Variants in LMX1A observed in about 807,000 individuals in gnomAD.
LMX1A encodes the protein LIM homeobox transcription factor 1 alpha, also known as LIM homeobox transcription factor 1-alpha.
Under a neutral mutation model 49.1 loss-of-function variants are expected in LMX1A, and 15 were observed. That is an observed-to-expected ratio of 0.31 (90% CI 0.20 to 0.47). The LOEUF (loss-of-function observed/expected upper bound fraction) is 0.47. Ranked by LOEUF, LMX1A falls within the 20% of genes least tolerant of loss-of-function variation. LMX1A has a pLI of 1.00. For synonymous variants in LMX1A, 167 were observed against 185.7 expected (o/e 0.90, Z 0.82); for missense variants, 372 against 475.8 (o/e 0.78, Z 2.03).
intron 3 of LMX1A, among the ~76,000 whole-genome samples, chr1:165,280,672 T>G (rs1043517552): frequency 2.6e-5 from 4 of 152,206 alleles, no homozygotes; most frequent in African/African-American, 7.2e-5. Flanking sequence ...CTAGTAGGCA[T>G]GCATTTGTGG....
At chr1:165,260,752 G>C (rs762544545) in intron 3 of LMX1A, among the ~76,000 whole-genome samples, 1 of 152,114 alleles carries the variant, frequency 6.6e-6, no homozygotes, top group Non-Finnish European at 1.5e-5. Flanking sequence ...CAGTCTTGTA[G>C]GGGAGGCAAA....
chr1:165,234,556 T>C (rs545612152), intron 4 of LMX1A, among the ~76,000 whole-genome samples: 1 of 152,264 alleles, frequency 6.6e-6, no homozygotes, highest in South Asian at 2.1e-4. Context: ...ATCACTAGTA[T>C]CTAACCCAGA....
At chr1:165,260,465 T>C (rs1653399054) in intron 3 of LMX1A, among the ~76,000 whole-genome samples, 1 of 152,166 alleles carries the variant, frequency 6.6e-6, no homozygotes, top group Admixed American at 6.6e-5. Context: ...CCATAAATCC[T>C]GTTTGCTTTG....
chr1:165,336,501 GT>G (rs1191898128), intron 3 of LMX1A, among the ~76,000 whole-genome samples: 2 of 152,116 alleles, frequency 1.3e-5, no homozygotes, highest in African/African-American at 4.8e-5. Context: ...CTCTGAAGAA[GT>G]TTTTAAAGAA....
chr1:165,259,002 T>C (rs1653341655), intron 3 of LMX1A, among the ~76,000 whole-genome samples: 1 of 152,218 alleles, frequency 6.6e-6, no homozygotes, highest in Non-Finnish European at 1.5e-5. Context: ...ATCTGACACA[T>C]ACTAGCTGCT....
intron 3 of LMX1A, among the ~76,000 whole-genome samples, chr1:165,265,237 C>T (rs916714276): frequency 6.6e-6 from 1 of 151,436 alleles, no homozygotes; most frequent in Non-Finnish European, 1.5e-5. Flanking sequence ...GGAAAAGGAG[C>T]CCCAGGGGTC....
chr1:165,212,484 T>C (rs1423319791), intron 5 of LMX1A, among the ~76,000 whole-genome samples: 1 of 146,570 alleles, frequency 6.8e-6, no homozygotes, highest in Non-Finnish European at 1.5e-5. Flanking sequence ...AGAAAATACA[T>C]GTTTGTTGGG....
At chr1:165,294,738 C>A (rs558950122) in intron 3 of LMX1A, among the ~76,000 whole-genome samples, 57 of 152,250 alleles carry the variant, frequency 3.7e-4, no homozygotes, top group African/African-American at 1.4e-3. Context: ...CCGAGGCAGG[C>A]GGATCACTTG....
intron 3 of LMX1A, among the ~76,000 whole-genome samples, chr1:165,302,441 C>CA (rs541284500): frequency 1.2e-3 from 179 of 148,076 alleles, no homozygotes; most frequent in African/African-American, 3.1e-3. Flanking sequence ...GAGACTCCAT[C>CA]AAAAAAAATA....
Position 165,203,054 on chromosome 1 carries a change from T to A in LMX1A, c.*826A>T, listed in dbSNP as rs928273127. ...CCTAGCACTGCCCAACAACCACTTG[T>A]CAGAATTTAAAAGAAAGCCCAGGAG... is the stretch of plus-strand genomic sequence containing the variant. On this transcript the variant is annotated 3_prime_UTR_variant, in exon 9 of 9. Transcript: ENST00000342310. 6.6e-6 allele frequency: 1 copy of A among 152,612 alleles called. No individual in the cohort carries two copies. Among genetic ancestry groups the A allele is most frequent in the African/African-American group, 2.4e-5 (1 of 41,424 alleles). The allele number at this position is 152,612 out of a possible 1,614,324, so 9.5% of individuals were successfully genotyped here.
chr1:165,308,072 A>G (rs796876349), intron 3 of LMX1A, among the ~76,000 whole-genome samples: 25 of 152,334 alleles, frequency 1.6e-4, no homozygotes, highest in African/African-American at 5.8e-4. Flanking sequence ...GGAAGGAATC[A>G]CACATTAAAT....
chr1:165,275,470 G>A (rs1377444092), intron 3 of LMX1A, among the ~76,000 whole-genome samples: 2 of 152,198 alleles, frequency 1.3e-5, no homozygotes, highest in Middle Eastern at 3.2e-3. Context: ...CGACTGGGGT[G>A]ACAGAGGTTT....
intron 3 of LMX1A, among the ~76,000 whole-genome samples, chr1:165,346,269 A>G (rs909589206): frequency 6.6e-6 from 1 of 152,226 alleles, no homozygotes; most frequent in South Asian, 2.1e-4. Context: ...GGAGGCCCAG[A>G]GAGTCAGAAA....
intron 4 of LMX1A, among the ~76,000 whole-genome samples, chr1:165,239,702 G>A (rs1652577328): frequency 1.3e-5 from 2 of 152,154 alleles, no homozygotes; most frequent in South Asian, 4.1e-4. Flanking sequence ...TTAATAAATC[G>A]GGAAATGTTC....
intron 3 of LMX1A, among the ~76,000 whole-genome samples, chr1:165,275,502 A>C (rs1653937742): frequency 6.6e-6 from 1 of 152,216 alleles, no homozygotes; most frequent in African/African-American, 2.4e-5. Flanking sequence ...CGTAACTTCT[A>C]GTCATCTCCC....
At chr1:165,217,872 A>C (rs931278564) in intron 4 of LMX1A, among the ~76,000 whole-genome samples, 2 of 152,112 alleles carry the variant, frequency 1.3e-5, no homozygotes, top group Non-Finnish European at 2.9e-5. Flanking sequence ...TCAATATCTC[A>C]TTCTCTTCCA....
intron 3 of LMX1A, among the ~76,000 whole-genome samples, chr1:165,275,215 A>T (rs1296640532): frequency 6.6e-6 from 1 of 152,194 alleles, no homozygotes; most frequent in African/African-American, 2.4e-5. Context: ...CCAATTTCAC[A>T]GCACCCGACA....
rs114346269 is a variant in LMX1A at position 165,209,280 on chromosome 1, A to G, written c.748-1148T>C. Among the ~76,000 whole-genome samples the G allele has an allele frequency of 6.2e-3, 939 of 152,328 alleles. 7 individuals are homozygous for G. Among genetic ancestry groups the G allele is most frequent in the African/African-American group, 0.022 (898 of 41,572 alleles). ...ATAGTGAGATAACCTGTGATACTGT[A>G]AAGCATATATTTGGTCGTTGACCCT... On this transcript the variant is annotated intron_variant, in intron 6 of 8. Transcript: ENST00000342310.
chr1:165,287,104 A>T (rs1654322926), intron 3 of LMX1A, among the ~76,000 whole-genome samples: 1 of 152,206 alleles, frequency 6.6e-6, no homozygotes, highest in Non-Finnish European at 1.5e-5. Flanking sequence ...GAAACATGGG[A>T]GCTTCAAAGC....
Sources: allele counts gnomAD v4.1 joint callset (sites outside exome capture counted in the v4.1 genomes callset), GRCh38; gene constraint gnomAD v4.1.1; transcripts MANE v1.5; gene names NCBI Gene and HGNC (gene_info 2026-07-23, HGNC 2026-07-21).